The following IL17RB variants were observed in gnomAD, a reference collection of about 807,000 sequenced individuals.
The protein encoded by IL17RB is interleukin-17 receptor B.
Under a neutral mutation model 43.9 loss-of-function variants are expected in IL17RB, and 36 were observed. The observed-to-expected ratio is 0.82, with a 90% CI of 0.63 to 1.08. The LOEUF (loss-of-function observed/expected upper bound fraction) is 1.08. IL17RB is among the 50% of genes least tolerant of loss of function. IL17RB has a pLI of 0.00. For synonymous variants in IL17RB, 225 were observed against 225.4 expected (o/e 1.00, Z 0.02); for missense variants, 613 against 613.6 (o/e 1.00, Z 0.01).
chr3:53,857,054 G>A, intron 7 of IL17RB, 68 bp downstream of exon 7: 2 of 1,539,590 alleles, frequency 1.3e-6, no homozygotes, highest in Non-Finnish European at 1.8e-6. Context: ...GGAAAATGGG[G>A]ACAGTGTTGT....
At chr3:53,853,617 C>T (rs1699233343) in intron 5 of IL17RB, among the ~76,000 whole-genome samples, 3 of 152,196 alleles carry the variant, frequency 2.0e-5, no homozygotes, top group Admixed American at 6.5e-5. Flanking sequence ...CAATGTCACA[C>T]ACAGGGCTGT....
intron 9 of IL17RB, 80 bp downstream of exon 9, chr3:53,858,898 T>C: frequency 8.5e-7 from 1 of 1,177,050 alleles, no homozygotes; most frequent in Non-Finnish European, 1.3e-6. Flanking sequence ...TGTGGAAGGG[T>C]TGTGTGTATG....
intron 8 of IL17RB, 159 bp downstream of exon 8, chr3:53,857,849 G>A (rs1386324366): frequency 7.4e-6 from 5 of 678,402 alleles, no homozygotes; most frequent in Admixed American, 6.7e-5. Context: ...AGCCTCCACC[G>A]TGCTGAGGTC....
chr3:53,862,424 A>G (rs899031363), intron 10 of IL17RB, among the ~76,000 whole-genome samples: 1 of 152,246 alleles, frequency 6.6e-6, no homozygotes, highest in African/African-American at 2.4e-5. Context: ...CATGAAAGCC[A>G]TCAAGCCTGA....
At chr3:53,854,290 A>G (rs1323353509) in intron 5 of IL17RB, among the ~76,000 whole-genome samples, 1 of 152,196 alleles carries the variant, frequency 6.6e-6, no homozygotes. Flanking sequence ...AACGTCTTGT[A>G]TTACCATGAT....
chr3:53,848,564 A>G (rs1699021372), intron 1 of IL17RB, 100 bp from the exon 2 acceptor site: 2 of 1,101,938 alleles, frequency 1.8e-6, no homozygotes, highest in East Asian at 2.3e-5. Flanking sequence ...TGTCACTTGT[A>G]TATGCATTTA....
intron 10 of IL17RB, among the ~76,000 whole-genome samples, chr3:53,864,307 C>A (rs779574147): frequency 1.3e-5 from 2 of 152,168 alleles, no homozygotes; most frequent in South Asian, 4.1e-4. Context: ...GAGGCCCAGG[C>A]GGGCGGAACA....
intron 5 of IL17RB, 80 bp from the exon 6 acceptor site, chr3:53,855,212 GTA>G (rs1299012082): frequency 1.2e-6 from 1 of 816,674 alleles, no homozygotes; most frequent in Non-Finnish European, 2.1e-6. Flanking sequence ...TGTGGTATGC[GTA>G]TGTGTGTGTG....
intron 3 of IL17RB, among the ~76,000 whole-genome samples, chr3:53,851,058 A>AGATTAC (rs1244783861): frequency 2.0e-5 from 3 of 152,194 alleles, no homozygotes; most frequent in Admixed American, 2.0e-4. Flanking sequence ...TGGCTTAGAT[A>AGATTAC]GATTACTTTT....
At chr3:53,847,449 A>G (rs540465309) in intron 1 of IL17RB, among the ~76,000 whole-genome samples, 1 of 150,856 alleles carries the variant, frequency 6.6e-6, no homozygotes, top group Non-Finnish European at 1.5e-5. Flanking sequence ...CGGCCGTTTG[A>G]TAAGAACTCA....
chr3:53,858,577 G>A (rs1699437694), intron 8 of IL17RB, 142 bp from the exon 9 acceptor site: 27 of 1,453,082 alleles, frequency 1.9e-5, no homozygotes, highest in Admixed American at 4.9e-5. Flanking sequence ...ACAGATGTGT[G>A]ACCAAGGGGA....
intron 3 of IL17RB, among the ~76,000 whole-genome samples, chr3:53,851,765 T>G (rs3774619): frequency 0.57 from 85,765 of 151,642 alleles, 24,858 homozygotes; most frequent in Non-Finnish European, 0.63. Flanking sequence ...CTTTGGAATC[T>G]GAATTCGTAT....
rs1279487775 is a variant in IL17RB, at chr3:53,865,054, T to C, written c.1255T>C (p.Ser419Pro). The change falls in exon 11 of 11, where the codon TCT becomes CCT. Residue 419 changes from serine (S) to proline (P), a missense_variant. Transcript: ENST00000288167. ...GKSEGSPSEN[S>P]QDLFPLAFNL... ...GAGCGAGGGCAGTCCCAGTGAGAAC[T>C]CTCAAGACCTCTTCCCCCTTGCCTT... The C allele has an allele frequency of 6.2e-7, 1 of 1,614,156 alleles. No homozygotes were observed. The highest frequency in any genetic ancestry group is 1.6e-4 in the Middle Eastern group (1 of 6,062).
At chr3:53,849,002 C>T (rs1224172465) in intron 2 of IL17RB, among the ~76,000 whole-genome samples, 1 of 152,084 alleles carries the variant, frequency 6.6e-6, no homozygotes, top group Non-Finnish European at 1.5e-5. Context: ...GAGTTGGGAC[C>T]GAGAAGCAAA....
chr3:53,861,991 C>T (rs9840445), intron 10 of IL17RB, among the ~76,000 whole-genome samples: 46,842 of 152,050 alleles, frequency 0.31, 7,418 homozygotes, highest in East Asian at 0.48. Context: ...AAGCTGCTAA[C>T]CCCCTGGCCT....
chr3:53,863,017 G>A (rs1559784192), intron 10 of IL17RB, among the ~76,000 whole-genome samples: 4 of 151,668 alleles, frequency 2.6e-5, no homozygotes, highest in African/African-American at 9.8e-5. Context: ...ACAAGATGAT[G>A]ACAAGAATAA....
At chr3:53,857,183 A>T (rs993189252) in intron 7 of IL17RB, among the ~76,000 whole-genome samples, 197 bp downstream of exon 7, 1 of 152,216 alleles carries the variant, frequency 6.6e-6, no homozygotes, top group South Asian at 2.1e-4. Flanking sequence ...CGAAGCAGGA[A>T]ATGAGCCCTT....
rs1699751841 is a variant in IL17RB, at chr3:53,865,410, G to A, written c.*102G>A. On this transcript the variant is annotated 3_prime_UTR_variant, in exon 11 of 11. Transcript: ENST00000288167. ...AAGCTTACTATGCAGCCTACAAACA[G>A]CCTTAGTAATTAAAACATTTTATAC... is the stretch of plus-strand genomic sequence containing the variant. 1.2e-6 allele frequency: 1 copy of A among 859,094 alleles called. No individual in the cohort carries two copies. The highest frequency in any genetic ancestry group is 1.7e-5 in the African/African-American group (1 of 58,624). The allele number at this position is 859,094 out of a possible 1,614,324, so 53.2% of individuals were successfully genotyped here. A position where few individuals can be genotyped will look rare whatever the true frequency, so the allele number is the denominator to read the frequency against.
Position 53,864,765 on chromosome 3 carries a change from C to T in IL17RB, c.966C>T (p.Ser322=), listed in dbSNP as rs759023291. ...MWRHERIKKT[S]FSTTTLLPPI... ...TCACAGAAAGGATCAAGAAGACTTC[C>T]TTTTCTACCACCACACTACTGCCCC... The change falls in exon 11 of 11, where the codon TCC becomes TCT. Residue 322 remains serine (S), a synonymous_variant. Transcript: ENST00000288167. 6.2e-7 allele frequency: 1 copy of T among 1,608,972 alleles called. No homozygotes were observed. The highest frequency in any genetic ancestry group is 8.5e-7 in the Non-Finnish European group (1 of 1,177,654).
Sources: gnomAD v4.1 joint callset for allele counts (sites outside exome capture counted in the v4.1 genomes callset) on GRCh38, gnomAD v4.1.1 for gene constraint, MANE v1.5 for transcripts, NCBI Gene and HGNC (gene_info 2026-07-23, HGNC 2026-07-21) for gene names.